AFF3: variants seen among roughly 807,000 people sequenced by gnomAD.
The protein encoded by AFF3 is AF4/FMR2 family member 3.
AFF3 carries 32 observed loss-of-function variants against 129.7 expected under a neutral mutation model. The observed-to-expected ratio is 0.25, with a 90% CI of 0.19 to 0.33. AFF3 has a LOEUF of 0.33. Ranked by LOEUF, AFF3 falls within the 10% of genes least tolerant of loss-of-function variation. The pLI, the probability that AFF3 is intolerant of heterozygous loss-of-function variation, is 1.00. For synonymous variants in AFF3, 644 were observed against 635.4 expected (o/e 1.01, Z -0.20); for missense variants, 1,373 against 1,592.0 (o/e 0.86, Z 2.34).
chr2:99,748,516 C>T (rs1681356738), intron 9 of AFF3, among the ~76,000 whole-genome samples: 2 of 152,170 alleles, frequency 1.3e-5, no homozygotes, highest in African/African-American at 4.8e-5. Context: ...CTGCCACTCC[C>T]AATACTTCCA....
chr2:100,037,771 ATATT>A (rs1321575412), intron 4 of AFF3, among the ~76,000 whole-genome samples: 2 of 134,512 alleles, frequency 1.5e-5, no homozygotes, highest in Admixed American at 8.6e-5. Flanking sequence ...TATAATAAAT[ATATT>A]TATTTTTATA....
chr2:100,049,240 C>T (rs189202504), intron 4 of AFF3, among the ~76,000 whole-genome samples: 1 of 152,092 alleles, frequency 6.6e-6, no homozygotes, highest in Non-Finnish European at 1.5e-5. Context: ...AGTGTGACAC[C>T]GTGTACTTCC....
At chr2:99,824,027 C>T (rs2105706110) in intron 8 of AFF3, among the ~76,000 whole-genome samples, 1 of 152,236 alleles carries the variant, frequency 6.6e-6, no homozygotes, top group Admixed American at 6.5e-5. Flanking sequence ...GTACCCCAAA[C>T]CTCAGCATCA....
chr2:99,830,485 C>T (rs1415950361), intron 8 of AFF3, among the ~76,000 whole-genome samples: 1 of 152,188 alleles, frequency 6.6e-6, no homozygotes, highest in Non-Finnish European at 1.5e-5. Flanking sequence ...GGCCCGGTGG[C>T]TCATGCCTGT....
At chr2:99,837,378 C>A (rs2105791325) in intron 8 of AFF3, 99 bp downstream of exon 8, 1 of 1,182,040 alleles carries the variant, frequency 8.5e-7, no homozygotes, top group Non-Finnish European at 1.2e-6. Flanking sequence ...AATGTCAAAC[C>A]ACAGACTATG....
intron 8 of AFF3, among the ~76,000 whole-genome samples, chr2:99,787,945 A>G (rs1000552632): frequency 1.1e-4 from 17 of 152,186 alleles, no homozygotes; most frequent in Non-Finnish European, 2.9e-5. Context: ...CATTTTGGTT[A>G]ATGACAGACT....
At chr2:99,884,006 A>T (rs1400227947) in intron 7 of AFF3, among the ~76,000 whole-genome samples, 1 of 152,190 alleles carries the variant, frequency 6.6e-6, no homozygotes, top group Non-Finnish European at 1.5e-5. Context: ...AAATGAAGAG[A>T]GGAAATTTGT....
intron 13 of AFF3, among the ~76,000 whole-genome samples, chr2:99,645,624 T>C (rs1199592268): frequency 6.6e-6 from 1 of 152,164 alleles, no homozygotes; most frequent in Non-Finnish European, 1.5e-5. Context: ...AGTTTCAACC[T>C]GAAGCACATT....
chr2:100,058,892 C>T (rs1285465872), intron 4 of AFF3, among the ~76,000 whole-genome samples: 2 of 152,096 alleles, frequency 1.3e-5, no homozygotes, highest in Non-Finnish European at 1.5e-5. Flanking sequence ...TGATAAGGGA[C>T]TTGTACCTGA....
chr2:99,582,812 C>A lies in AFF3; in HGVS notation c.2779G>T (p.Gly927Cys), dbSNP rs199884902. The part of the protein sequence containing the change: ...PKADSQLQPH[G>C]GDLTKAAHNN... ...CATCAACAAACCGTGAGGTCTCCGCCGTGAGGCTGCAGCTGGCTGTCGGCC... is the reference window on the plus strand; with the variant it reads ...CATCAACAAACCGTGAGGTCTCCGCAGTGAGGCTGCAGCTGGCTGTCGGCC... The change falls in exon 17 of 25, where the codon GGC becomes TGC. Residue 927 changes from glycine to cysteine, a missense_variant. Physicochemically the swap from Gly to Cys is radical, Grantham distance 159 (BLOSUM62 -3). Transcript: ENST00000672756. 26 of 1,613,968 alleles carry A rather than the reference C, an allele frequency of 1.6e-5. No individual in the cohort carries two copies. Among genetic ancestry groups the A allele is most frequent in the Non-Finnish European group, 2.1e-5 (25 of 1,180,014 alleles).
intron 7 of AFF3, among the ~76,000 whole-genome samples, chr2:100,000,820 T>G (rs1473740881): frequency 3.3e-5 from 5 of 152,200 alleles, no homozygotes; most frequent in African/African-American, 1.2e-4. Flanking sequence ...GCAGGCCCAG[T>G]TCTTGCTGGT....
Position 99,709,334 on chromosome 2 carries a change from T to A in AFF3, c.1091+17743A>T, listed in dbSNP as rs541713689. 1.5e-4 allele frequency among the ~76,000 whole-genome samples: 23 copies of A among 152,230 alleles called. No homozygotes were observed. The East Asian group carries it at 4.4e-3, about 29-fold the overall frequency. ...AACCTTTCTGTGCACATATTCCTTA[T>A]CTGAAAATGGGGATAACCACCCCAG... On this transcript the variant is annotated intron_variant, in intron 11 of 24. Transcript: ENST00000672756.
intron 7 of AFF3, among the ~76,000 whole-genome samples, chr2:99,941,711 TCTTC>T (rs1283444228): frequency 6.6e-6 from 1 of 152,188 alleles, no homozygotes; most frequent in Non-Finnish European, 1.5e-5. Flanking sequence ...CCTTCCTCCT[TCTTC>T]CTCCTTCCTA....
intron 8 of AFF3, among the ~76,000 whole-genome samples, chr2:99,802,120 CA>C (rs896267034): frequency 1.3e-5 from 2 of 152,150 alleles, no homozygotes; most frequent in Admixed American, 6.5e-5. Context: ...GTATGGGAGA[CA>C]AACTTTCAAA....
At chr2:99,620,928 T>C (rs1681939452) in intron 13 of AFF3, among the ~76,000 whole-genome samples, 1 of 152,184 alleles carries the variant, frequency 6.6e-6, no homozygotes. Flanking sequence ...GAAAGCTTTC[T>C]GAGGCCTCAC....
chr2:100,000,516 A>G (rs369410344), intron 7 of AFF3, among the ~76,000 whole-genome samples: 8 of 143,886 alleles, frequency 5.6e-5, no homozygotes, highest in African/African-American at 1.5e-4. Context: ...ACGCGCGCAC[A>G]CACACACACA....
chr2:99,587,112 G>A, intron 16 of AFF3, 42 bp downstream of exon 16: 1 of 1,611,160 alleles, frequency 6.2e-7, no homozygotes, highest in Non-Finnish European at 8.5e-7. Context: ...CAGACCCAGA[G>A]ATCTCTCCAG....
intron 10 of AFF3, among the ~76,000 whole-genome samples, chr2:99,743,720 A>G (rs553483685): frequency 3.3e-4 from 50 of 152,290 alleles, no homozygotes; most frequent in African/African-American, 1.1e-3. Context: ...TCTAAGGTCA[A>G]TTATCTTAAG....
intron 7 of AFF3, among the ~76,000 whole-genome samples, chr2:100,005,882 A>G (rs1681928231): frequency 6.6e-6 from 1 of 152,230 alleles, no homozygotes; most frequent in Non-Finnish European, 1.5e-5. Flanking sequence ...ACTGTTACTC[A>G]GTCTTTAAAG....
Sources: allele counts gnomAD v4.1 joint callset (sites outside exome capture counted in the v4.1 genomes callset), GRCh38; gene constraint gnomAD v4.1.1; transcripts MANE v1.5; gene names NCBI Gene and HGNC (gene_info 2026-07-23, HGNC 2026-07-21).